Variants in L3MBTL3 observed in about 807,000 individuals in gnomAD.
L3MBTL3 encodes lethal(3)malignant brain tumor-like protein 3.
In L3MBTL3, 27 loss-of-function variants were observed where a neutral mutation model predicts 102.3. The ratio of observed to expected loss-of-function variants is 0.26; its 90% CI spans 0.19 to 0.36. The LOEUF (loss-of-function observed/expected upper bound fraction) is 0.36. L3MBTL3 is among the 10% of genes least tolerant of loss of function. L3MBTL3 has a pLI of 1.00. For synonymous variants in L3MBTL3, 340 were observed against 320.9 expected (o/e 1.06, Z -0.64); for missense variants, 798 against 955.3 (o/e 0.84, Z 2.17).
intron 2 of L3MBTL3, among the ~76,000 whole-genome samples, chr6:130,024,164 A>G (rs1181961913): frequency 6.6e-6 from 1 of 152,146 alleles, no homozygotes; most frequent in East Asian, 1.9e-4. Flanking sequence ...TAACTGGAGT[A>G]GTAATGATTT....
chr6:130,112,980 T>C (rs1785448967), intron 19 of L3MBTL3, among the ~76,000 whole-genome samples: 2 of 152,192 alleles, frequency 1.3e-5, no homozygotes, highest in African/African-American at 4.8e-5. Context: ...ATCTCTGCCC[T>C]CACGCTGCTC....
intron 1 of L3MBTL3, among the ~76,000 whole-genome samples, chr6:130,021,099 C>G (rs1778984145): frequency 2.0e-5 from 3 of 152,160 alleles, no homozygotes; most frequent in Middle Eastern, 3.4e-3. Context: ...TGCTGGCTAT[C>G]TCGGTCGCGT....
intron 18 of L3MBTL3, among the ~76,000 whole-genome samples, chr6:130,103,931 A>G (rs952888310): frequency 6.6e-6 from 1 of 152,240 alleles, no homozygotes; most frequent in Non-Finnish European, 1.5e-5. Flanking sequence ...AGACCTGAAC[A>G]CAGGGAACAG....
chr6:130,055,993 T>C (rs932954704), intron 8 of L3MBTL3, among the ~76,000 whole-genome samples: 1 of 140,912 alleles, frequency 7.1e-6, no homozygotes, highest in African/African-American at 2.6e-5. Context: ...GGTGGCGCAA[T>C]CTCGGCTCAC....
chr6:130,112,629 G>A (rs1785425343), intron 19 of L3MBTL3, among the ~76,000 whole-genome samples: 1 of 152,198 alleles, frequency 6.6e-6, no homozygotes, highest in African/African-American at 2.4e-5. Flanking sequence ...GAGGGATGCA[G>A]CGGGCTGTGG....
At chr6:130,089,147 G>A (rs749495584) in intron 16 of L3MBTL3, among the ~76,000 whole-genome samples, 6 of 151,796 alleles carry the variant, frequency 4.0e-5, no homozygotes, top group African/African-American at 1.5e-4. Flanking sequence ...TACATGTGCC[G>A]TGTTGGTTTA....
intron 19 of L3MBTL3, among the ~76,000 whole-genome samples, chr6:130,104,830 G>A (rs747702686): frequency 4.0e-5 from 6 of 151,384 alleles, no homozygotes; most frequent in Non-Finnish European, 8.8e-5. Flanking sequence ...CTTGGTGTTA[G>A]AGGTAGGAAT....
In L3MBTL3 at chr6:130,139,727, G is replaced by C. The variant is rs772824723; in HGVS notation, c.2317G>C (p.Glu773Gln). ...TTCCATCCTGATGTTCAAAGCTGCA[G>C]AGAAGAATTCTCACAATGAACTTTG... ...FNSILMFKAAEKNSHNEL is the reference protein window; with the variant it reads ...FNSILMFKAAQKNSHNEL The change falls in exon 23 of 23, where the codon GAG (glutamate) becomes CAG (glutamine). Residue 773 changes from glutamate (E) to glutamine (Q), a missense_variant. Physicochemically the swap from Glu to Gln is conservative, Grantham distance 29. Around this residue, in one of 4 missense-constraint regions of L3MBTL3, gnomAD observed 48 missense variants for 107.0 expected, o/e 0.45. Transcript: ENST00000361794. The C allele has an allele frequency of 6.2e-6, 10 of 1,613,230 alleles. No homozygotes were observed. The highest frequency in any genetic ancestry group is 8.5e-7 in the Non-Finnish European group (1 of 1,179,688).
At chr6:130,055,306 G>T (rs779263375) in intron 8 of L3MBTL3, 51 bp downstream of exon 8, 15 of 1,385,986 alleles carry the variant, frequency 1.1e-5, no homozygotes, top group Non-Finnish European at 1.5e-5. Flanking sequence ...AATTGGAAAT[G>T]GTTCACACAG....
At chr6:130,048,341 T>A (rs1038322547) in intron 3 of L3MBTL3, among the ~76,000 whole-genome samples, 4 of 152,186 alleles carry the variant, frequency 2.6e-5, no homozygotes, top group African/African-American at 9.6e-5. Flanking sequence ...GGGTCCCTAA[T>A]GTTATTCTGT....
chr6:130,053,016 G>C (rs2114799864), intron 7 of L3MBTL3, 25 bp downstream of exon 7: 1 of 1,554,092 alleles, frequency 6.4e-7, no homozygotes, highest in South Asian at 1.1e-5. Context: ...CTGACACCAG[G>C]AGCACAGGGA....
intron 18 of L3MBTL3, among the ~76,000 whole-genome samples, chr6:130,101,805 G>A (rs1360189730): frequency 6.6e-6 from 1 of 152,176 alleles, no homozygotes; most frequent in African/African-American, 2.4e-5. Flanking sequence ...AGGCAGAATT[G>A]GTTTTGGTCA....
At chr6:130,115,178 C>G (rs1025305696) in intron 19 of L3MBTL3, among the ~76,000 whole-genome samples, 12 of 152,134 alleles carry the variant, frequency 7.9e-5, no homozygotes, top group African/African-American at 2.9e-4. Flanking sequence ...TTCAGTTCTG[C>G]AAAGGCCCCA....
intron 2 of L3MBTL3, among the ~76,000 whole-genome samples, chr6:130,034,182 T>A (rs1011723842): frequency 6.6e-6 from 1 of 152,124 alleles, no homozygotes; most frequent in Non-Finnish European, 1.5e-5. Flanking sequence ...AGCAAAGAAG[T>A]TGTAGGAAGG....
chr6:130,038,474 A>G (rs1424424974), intron 2 of L3MBTL3, among the ~76,000 whole-genome samples: 2 of 151,454 alleles, frequency 1.3e-5, no homozygotes, highest in African/African-American at 2.4e-5. Context: ...TTGGGGTGAG[A>G]TGATATCTCC....
chr6:130,019,649 C>T (rs935586062), intron 1 of L3MBTL3, among the ~76,000 whole-genome samples: 2 of 150,478 alleles, frequency 1.3e-5, no homozygotes, highest in Admixed American at 6.6e-5. Context: ...ACACACGGAC[C>T]CGCGGCGGGG....
chr6:130,092,372 C>T (rs545801650), intron 16 of L3MBTL3, among the ~76,000 whole-genome samples: 1 of 152,162 alleles, frequency 6.6e-6, no homozygotes, highest in East Asian at 1.9e-4. Flanking sequence ...TCCCTCCCTC[C>T]CTTCCCTGAA....
At chr6:130,127,089 G>A (rs1410736449) in intron 20 of L3MBTL3, among the ~76,000 whole-genome samples, 2 of 152,176 alleles carry the variant, frequency 1.3e-5, no homozygotes, top group African/African-American at 4.8e-5. Context: ...ACAAATGTTG[G>A]TCTTACTATG....
In L3MBTL3 at chr6:130,068,299, G is replaced by T. The variant is rs755723080; in HGVS notation, c.1001-31G>T. 1.4e-5 allele frequency: 17 copies of T among 1,181,884 alleles called. No individual in the cohort carries two copies. The East Asian group carries it at 3.8e-4, about 26-fold the overall frequency. The allele number at this position is 1,181,884 out of a possible 1,614,324, so 73.2% of individuals were successfully genotyped here. A position where few individuals can be genotyped will look rare whatever the true frequency, so the allele number is the denominator to read the frequency against. On this transcript the variant is annotated intron_variant, in intron 11 of 22. Transcript: ENST00000361794. ...CTAAGTGTAAAATATTGTGGTATTT[G>T]AATCAATCTGTTCATATGTGCTTAC...
Sources: gnomAD v4.1 joint callset for allele counts (sites outside exome capture counted in the v4.1 genomes callset) on GRCh38, gnomAD v4.1.1 for gene constraint, gnomAD v4.1.1 regional missense constraint, MANE v1.5 for transcripts, NCBI Gene and HGNC (gene_info 2026-07-23, HGNC 2026-07-21) for gene names.